The following SLC44A5 variants were observed in gnomAD, a reference collection of about 807,000 sequenced individuals.
SLC44A5 encodes choline transporter-like protein 5.
SLC44A5 carries 57 observed loss-of-function variants against 101.8 expected under a neutral mutation model. The observed-to-expected ratio is 0.56, with a 90% CI of 0.45 to 0.70. The LOEUF (loss-of-function observed/expected upper bound fraction) is 0.70. SLC44A5 is among the 30% of genes least tolerant of loss of function. The pLI, the probability that SLC44A5 is intolerant of heterozygous loss-of-function variation, is 0.00. For missense variants in SLC44A5, 737 were observed against 853.1 expected, an observed-to-expected ratio of 0.86 and a Z score of 1.70; for synonymous variants, 281 against 290.9, an observed-to-expected ratio of 0.97 and a Z score of 0.35.
At chr1:75,679,986 T>C in the SLC44A5 span, among the ~76,000 whole-genome samples, 1 of 152,082 alleles carries the variant, frequency 6.6e-6, no homozygotes, top group Non-Finnish European at 1.5e-5. Context: ...AAAAAGACTT[T>C]AAACCAACAA....
the SLC44A5 span, among the ~76,000 whole-genome samples, chr1:75,678,270 G>T: frequency 1.4e-4 from 22 of 152,294 alleles, no homozygotes; most frequent in African/African-American, 5.1e-4. Flanking sequence ...ACAGCTCAAG[G>T]AGGCCTGCCT....
At chr1:75,560,188 C>T (rs1672443399) in intron 1 of SLC44A5, among the ~76,000 whole-genome samples, 1 of 151,954 alleles carries the variant, frequency 6.6e-6, no homozygotes, top group Non-Finnish European at 1.5e-5. Context: ...AAGTATATAC[C>T]CAAGAGAAAT....
At chr1:75,383,701 G>C (rs1661078712) in intron 3 of SLC44A5, among the ~76,000 whole-genome samples, 1 of 152,026 alleles carries the variant, frequency 6.6e-6, no homozygotes, top group African/African-American at 2.4e-5. Flanking sequence ...AGGAAATACG[G>C]AGAACGCCAC....
At chr1:75,301,638 G>A (rs1654457348) in intron 4 of SLC44A5, among the ~76,000 whole-genome samples, 1 of 152,130 alleles carries the variant, frequency 6.6e-6, no homozygotes, top group Non-Finnish European at 1.5e-5. Flanking sequence ...TTTTGAAGTG[G>A]TAAGTAATGA....
Position 75,237,983 on chromosome 1 carries a change from A to G in SLC44A5, c.656+530T>C, listed in dbSNP as rs116729591. 5.5e-3 allele frequency among the ~76,000 whole-genome samples: 835 copies of G among 152,110 alleles called. 9 individuals carry two copies. Among genetic ancestry groups the G allele is most frequent in the African/African-American group, 0.019 (807 of 41,522 alleles). On this transcript the variant is annotated intron_variant, in intron 10 of 23. Coordinates refer to ENST00000370859, the MANE Select transcript of SLC44A5 (RefSeq NM_001130058.2). ...ACAGGGAAATATATTTTCCAGTAAC[A>G]TGGAGCACCATGTGTGTAGAGCCAA... is the stretch of plus-strand genomic sequence containing the variant.
intron 3 of SLC44A5, among the ~76,000 whole-genome samples, chr1:75,344,327 T>C (rs1316450791): frequency 1.3e-5 from 2 of 152,212 alleles, no homozygotes; most frequent in African/African-American, 4.8e-5. Flanking sequence ...ATTTGCATTG[T>C]TGAGCTTAGG....
chr1:75,430,408 C>G (rs1289841768), intron 2 of SLC44A5, among the ~76,000 whole-genome samples: 1 of 152,006 alleles, frequency 6.6e-6, no homozygotes, highest in African/African-American at 2.4e-5. Context: ...TAAAAACTAC[C>G]CAGTCTGTGG....
Position 75,480,879 on chromosome 1 carries a change from T to A in SLC44A5, c.13+60556A>T, listed in dbSNP as rs554203037. Among the ~76,000 whole-genome samples, 59 of 152,328 alleles carry A rather than the reference T, an allele frequency of 3.9e-4. 1 individual carries two copies. The highest frequency in any genetic ancestry group is 1.4e-3 in the African/African-American group (59 of 41,580). ...ATCCCCATCAAGCTACCAATGACTT[T>A]CTTCACAGAATTGGAAAAAACTACT... On this transcript the variant is annotated intron_variant, in intron 2 of 23. Coordinates refer to ENST00000370859, the MANE Select transcript of SLC44A5 (RefSeq NM_001130058.2).
chr1:75,215,670 A>C, intron 19 of SLC44A5, 84 bp downstream of exon 19: 4 of 757,408 alleles, frequency 5.3e-6, no homozygotes, highest in Non-Finnish European at 9.1e-6. Context: ...GCATGAAGTA[A>C]AAGTACTTTA....
At chr1:75,579,466 A>T (rs1214062186) in intron 1 of SLC44A5, among the ~76,000 whole-genome samples, 2 of 152,166 alleles carry the variant, frequency 1.3e-5, no homozygotes, top group African/African-American at 4.8e-5. Context: ...AAATAAATAA[A>T]CAAAATGTAA....
chr1:75,463,419 C>CAAA (rs34371845), intron 2 of SLC44A5, among the ~76,000 whole-genome samples: 306 of 69,104 alleles, frequency 4.4e-3, no homozygotes, highest in East Asian at 7.8e-3. Context: ...GACTCTGTCT[C>CAAA]AAAAAAAAAA....
intron 1 of SLC44A5, among the ~76,000 whole-genome samples, chr1:75,580,086 T>C (rs1165474842): frequency 6.6e-6 from 1 of 152,032 alleles, no homozygotes; most frequent in African/African-American, 2.4e-5. Flanking sequence ...ATTGATAAAA[T>C]ATTAACAGCA....
chr1:75,392,010 C>A (rs1170107073), intron 3 of SLC44A5, among the ~76,000 whole-genome samples: 2 of 151,996 alleles, frequency 1.3e-5, no homozygotes, highest in Non-Finnish European at 2.9e-5. Context: ...TAGAAATTAG[C>A]CAGGCATCGT....
chr1:75,673,338 A>G, the SLC44A5 span, among the ~76,000 whole-genome samples: 1 of 151,848 alleles, frequency 6.6e-6, no homozygotes, highest in Non-Finnish European at 1.5e-5. Flanking sequence ...CTGCTTGAGG[A>G]AGGGGGAGGA....
At chr1:75,510,498 T>A (rs1298270980) in intron 2 of SLC44A5, among the ~76,000 whole-genome samples, 1 of 152,092 alleles carries the variant, frequency 6.6e-6, no homozygotes, top group Non-Finnish European at 1.5e-5. Flanking sequence ...GACATGAGAC[T>A]TATTCAGGTC....
chr1:75,242,989 T>C lies in SLC44A5; in HGVS notation c.368A>G (p.Glu123Gly), dbSNP rs779526816. The stretch of plus-strand genomic sequence containing the variant: ...CATTTCCACATAGGTTAAAAATTTT[T>C]CTGGGCACTTGGAGACACAGATCTG... ...TTQICVSKCP[E>G]KFLTYVEMQL... The change falls in exon 8 of 24, where the codon GAA (glutamate) becomes GGA (glycine). Residue 123 changes from glutamate (E) to glycine (G), a missense_variant. Transcript: ENST00000370859. 51 of 1,612,186 alleles carry C rather than the reference T, an allele frequency of 3.2e-5. No individual in the cohort carries two copies. Among genetic ancestry groups the C allele is most frequent in the Middle Eastern group, 1.6e-4 (1 of 6,066 alleles).
chr1:75,701,408 T>A, the SLC44A5 span, among the ~76,000 whole-genome samples: 2 of 152,016 alleles, frequency 1.3e-5, no homozygotes, highest in African/African-American at 4.8e-5. Context: ...ACAAAAACCA[T>A]ATGATTATCT....
At chr1:75,477,050 A>G (rs1557826282) in intron 2 of SLC44A5, among the ~76,000 whole-genome samples, 1 of 152,190 alleles carries the variant, frequency 6.6e-6, no homozygotes, top group East Asian at 1.9e-4. Flanking sequence ...CTCCTCTGAG[A>G]CAAAACTTCC....
In SLC44A5 at chr1:75,341,213, G is replaced by A. The variant is rs576044935; in HGVS notation, c.53-1583C>T. On this transcript the variant is annotated intron_variant, in intron 3 of 23. Coordinates refer to ENST00000370859, the MANE Select transcript of SLC44A5 (RefSeq NM_001130058.2). ...ATACTTGAATAAGAAATATAAGCTC[G>A]AGAGGGCCGGACATGGGTGGCTCAC... 8.5e-5 allele frequency among the ~76,000 whole-genome samples: 13 copies of A among 152,258 alleles called. No homozygotes were observed. In the South Asian group the frequency reaches 2.3e-3, roughly 27 times the overall value.
Sources: allele counts gnomAD v4.1 joint callset (sites outside exome capture counted in the v4.1 genomes callset), GRCh38; gene constraint gnomAD v4.1.1; transcripts MANE v1.5; gene names NCBI Gene and HGNC (gene_info 2026-07-23, HGNC 2026-07-21).